EDRF1: variants seen among roughly 807,000 people sequenced by gnomAD.
The protein encoded by EDRF1 is erythroid differentiation regulatory factor 1.
In EDRF1, 69 loss-of-function variants were observed where a neutral mutation model predicts 148.7. That is an observed-to-expected ratio of 0.46 (90% CI 0.38 to 0.57). EDRF1 has a LOEUF of 0.57. EDRF1 is among the 20% of genes least tolerant of loss of function. The pLI is 0.00. For synonymous variants in EDRF1, 515 were observed against 532.8 expected (o/e 0.97, Z 0.46); for missense variants, 1,118 against 1,478.7 (o/e 0.76, Z 4.00).
In EDRF1 at chr10:125,723,761, A is replaced by C. The variant is rs535518532; in HGVS notation, c.385-50A>C. Reference sequence around the variant, plus strand: ...GAAGCTAAAATTTAAAAGATTCCAAATCACACTAAAACAGTCTTTCTAAAC... The same window carrying C: ...GAAGCTAAAATTTAAAAGATTCCAACTCACACTAAAACAGTCTTTCTAAAC... On this transcript the variant is annotated intron_variant, in intron 3 of 24. Transcript: ENST00000356792. The C allele has an allele frequency of 1.9e-6, 3 of 1,558,638 alleles. No homozygotes were observed. In the African/African-American group the frequency reaches 4.1e-5, roughly 21 times the overall value.
intron 24 of EDRF1, among the ~76,000 whole-genome samples, chr10:125,760,786 C>T (rs1236140354): frequency 6.6e-6 from 1 of 152,080 alleles, no homozygotes; most frequent in Non-Finnish European, 1.5e-5. Context: ...ATTCTGCATC[C>T]ACAGATTCAA....
Position 125,763,224 on chromosome 10 carries a change from T to TC in EDRF1, c.3546-75dup. 1 of 1,425,886 alleles carries TC rather than the reference T, an allele frequency of 7.0e-7. No homozygotes were observed. Among genetic ancestry groups the TC allele is most frequent in the South Asian group, 1.2e-5 (1 of 86,886 alleles). The allele number at this position is 1,425,886 out of a possible 1,614,324, so 88.3% of individuals were successfully genotyped here. On this transcript the variant is annotated intron_variant, in intron 24 of 24. Coordinates refer to ENST00000356792, the MANE Select transcript of EDRF1 (RefSeq NM_001202438.2). This position sits in a 1 kb window ranked among gnomAD's most constrained non-coding sequence, Gnocchi z 4.3. ...AAGAGTGACTGTTGGGCTGTCACTGTCCGGTTTTCTGGACCTCTGAATTGT... is the reference window on the plus strand; with the variant it reads ...AAGAGTGACTGTTGGGCTGTCACTGTCCCGGTTTTCTGGACCTCTGAATTGT...
At position 125,735,874 on chromosome 10, in the gene EDRF1, AG is replaced by A; in HGVS notation, c.1729del (p.Glu577LysfsTer33). 1 of 1,610,978 alleles carries A rather than the reference AG, an allele frequency of 6.2e-7. No homozygotes were observed. Among genetic ancestry groups the A allele is most frequent in the Non-Finnish European group, 8.5e-7 (1 of 1,177,788 alleles). ...IKSVGELSVP[E>X]KYKSIHQIRP... ...AGTCTGTTGGAGAACTATCAGTACC[AG>A]AAAAATACAAATCTATTCATCAAAT... On this transcript the variant is annotated frameshift_variant, in exon 13 of 25. Coordinates refer to ENST00000356792, the MANE Select transcript of EDRF1 (RefSeq NM_001202438.2). LOFTEE classifies it high-confidence loss of function.
Position 125,719,998 on chromosome 10 carries a change from G to A in EDRF1, c.108+83G>A, listed in dbSNP as rs1847906143. The A allele has an allele frequency of 8.4e-6, 11 of 1,306,498 alleles. No individual in the cohort carries two copies. The East Asian group carries it at 1.7e-4, about 20-fold the overall frequency. The allele number at this position is 1,306,498 out of a possible 1,614,324, so 80.9% of individuals were successfully genotyped here. On this transcript the variant is annotated intron_variant, in intron 1 of 24. Transcript: ENST00000356792. ...CCGGGGAGGGATGCCACGGTTCCCG[G>A]CAGATTCTGGAGGCTTCTCCATGTT...
At chr10:125,726,434 G>A (rs1420209728) in intron 6 of EDRF1, among the ~76,000 whole-genome samples, 4 of 152,094 alleles carry the variant, frequency 2.6e-5, no homozygotes, top group Admixed American at 2.0e-4. Flanking sequence ...TTACATCCTT[G>A]TTTCTTCCTA....
In EDRF1 at chr10:125,721,369, AC is replaced by A; in HGVS notation, c.275del (p.Thr92IlefsTer39). On this transcript the variant is annotated frameshift_variant, in exon 2 of 25. Coordinates refer to ENST00000356792, the MANE Select transcript of EDRF1 (RefSeq NM_001202438.2). LOFTEE classifies it high-confidence loss of function. Reference protein sequence around the residue: ...RESAKLGPAGTTILGNSKKSK... With the variant: ...RESAKLGPAGXTILGNSKKSK... ...GAGTGCCAAACTAGGGCCAGCAGGA[AC>A]TACCATTCTTGGCAACAGCAAGAAA... 6.2e-7 allele frequency: 1 copy of A among 1,614,216 alleles called. No homozygotes were observed. The highest frequency in any genetic ancestry group is 8.5e-7 in the Non-Finnish European group (1 of 1,180,026).
intron 24 of EDRF1, among the ~76,000 whole-genome samples, chr10:125,762,621 G>C (rs552933075): frequency 1.3e-4 from 20 of 152,264 alleles, no homozygotes; most frequent in African/African-American, 4.3e-4. Context: ...AACTGAAATA[G>C]TTTTCAGGTA....
chr10:125,752,613 T>C (rs1348649194), intron 22 of EDRF1, among the ~76,000 whole-genome samples, 186 bp from the exon 23 acceptor site: 1 of 152,220 alleles, frequency 6.6e-6, no homozygotes, highest in East Asian at 1.9e-4. Flanking sequence ...TATTTATTGC[T>C]TTGTCCAGAC....
chr10:125,734,734 A>G lies in EDRF1; in HGVS notation c.1497+551A>G, dbSNP rs1848647958. On this transcript the variant is annotated intron_variant, in intron 12 of 24. Coordinates refer to ENST00000356792, the MANE Select transcript of EDRF1 (RefSeq NM_001202438.2). ...TCTTTTAAAGAGAAGGGGAAAAAGCATCTCTTAAAATATTCCCTCAGTCAT... is the reference window on the plus strand; with the variant it reads ...TCTTTTAAAGAGAAGGGGAAAAAGCGTCTCTTAAAATATTCCCTCAGTCAT... Among the ~76,000 whole-genome samples, 4 of 152,302 alleles carry G rather than the reference A, an allele frequency of 2.6e-5. No individual in the cohort carries two copies. The South Asian group carries it at 8.3e-4, about 32-fold the overall frequency.
intron 22 of EDRF1, among the ~76,000 whole-genome samples, chr10:125,751,332 G>A (rs1432895746): frequency 1.3e-5 from 2 of 151,742 alleles, no homozygotes; most frequent in Non-Finnish European, 2.9e-5. Flanking sequence ...AGCCAGGTTT[G>A]TGGGTTTTGT....
At chr10:125,760,773 A>G (rs957067844) in intron 24 of EDRF1, among the ~76,000 whole-genome samples, 1 of 152,244 alleles carries the variant, frequency 6.6e-6, no homozygotes, top group Non-Finnish European at 1.5e-5. Flanking sequence ...TCTGTATCCA[A>G]GGATTCTGCA....
At chr10:125,747,202 T>C (rs2296835) in intron 19 of EDRF1, 3,176 of 259,234 alleles carry the variant, frequency 0.012, 89 homozygotes, top group East Asian at 0.1. Context: ...TTACTAGTTA[T>C]ATAAACTGTA....
Position 125,747,714 on chromosome 10 carries a change from T to A in EDRF1, c.2973+20T>A. ...GAGCAGGTGATAATATTTGCTGGAG[T>A]ATAAAATAAGTTCTCAATCTAATTC... On this transcript the variant is annotated intron_variant, in intron 20 of 24. Transcript: ENST00000356792. 1 of 1,613,902 alleles carries A rather than the reference T, an allele frequency of 6.2e-7. No individual in the cohort carries two copies. The highest frequency in any genetic ancestry group is 8.5e-7 in the Non-Finnish European group (1 of 1,179,824).
chr10:125,736,790 G>T lies in EDRF1; in HGVS notation c.1758+886G>T, dbSNP rs1848759617. Among the ~76,000 whole-genome samples the T allele has an allele frequency of 2.0e-5, 3 of 151,668 alleles. No homozygotes were observed. In the South Asian group the frequency reaches 6.2e-4, roughly 32 times the overall value. On this transcript the variant is annotated intron_variant, in intron 13 of 24. Transcript: ENST00000356792. ...TCTGCTTGGAATGTACCTACCCTAGGTCTGTTCATGGCTGCCTTTTTTAAG... is the reference window on the plus strand; with the variant it reads ...TCTGCTTGGAATGTACCTACCCTAGTTCTGTTCATGGCTGCCTTTTTTAAG...
At chr10:125,747,761 C>A (rs192897189) in intron 20 of EDRF1, 67 bp downstream of exon 20, 1 of 1,609,136 alleles carries the variant, frequency 6.2e-7, no homozygotes, top group Non-Finnish European at 8.5e-7. Context: ...AAATATTTAG[C>A]GTCTGTTGTC....
intron 13 of EDRF1, among the ~76,000 whole-genome samples, chr10:125,736,271 AG>A (rs1489463778): frequency 1.3e-5 from 2 of 152,120 alleles, no homozygotes; most frequent in Non-Finnish European, 2.9e-5. Context: ...AGAGTAGAGA[AG>A]GGGGTGGCTC....
At position 125,743,273 on chromosome 10, in the gene EDRF1, C is replaced by T. The variant is rs746380286; in HGVS notation, c.2587C>T (p.Leu863=). 2 of 1,611,436 alleles carry T rather than the reference C, an allele frequency of 1.2e-6. No homozygotes were observed. Among genetic ancestry groups the T allele is most frequent in the African/African-American group, 1.3e-5 (1 of 74,842 alleles). Residue 863 remains leucine, a synonymous_variant, in exon 18 of 25, where the codon CTA becomes TTA. Coordinates refer to ENST00000356792, the MANE Select transcript of EDRF1 (RefSeq NM_001202438.2). ...NQAAALQSER[L]VSKSVSAAEQ... ...GGCTGCTGCATTACAGAGTGAGAGA[C>T]TAGGTGAGTATCTCTTTAGATTCCT...
At chr10:125,740,778 A>T in intron 16 of EDRF1, 127 bp downstream of exon 16, 1 of 1,186,646 alleles carries the variant, frequency 8.4e-7, no homozygotes, top group Non-Finnish European at 1.2e-6. Context: ...ACTGTTTCCA[A>T]TCCTGTGTGT....
chr10:125,725,788 C>T lies in EDRF1; in HGVS notation c.742C>T (p.Pro248Ser), dbSNP rs950499734. The T allele has an allele frequency of 1.2e-6, 2 of 1,613,960 alleles. No homozygotes were observed. The highest frequency in any genetic ancestry group is 2.2e-5 in the East Asian group (1 of 44,874). ...TTCGGAAGGGGCTTCATGGCCTGCT[C>T]CCTTCGAAATGCCTTCTTCAGTTTC... ...NDSEGASWPA[P>S]FEMPSSVSED... is the part of the protein sequence containing the mutation. The change falls in exon 6 of 25, where the codon CCC becomes TCC. Residue 248 changes from proline (P) to serine (S), a missense_variant. Around this residue, in one of 3 missense-constraint regions of EDRF1, gnomAD observed 954 missense variants for 1,241.4 expected, o/e 0.77. Transcript: ENST00000356792.
Sources: allele counts gnomAD v4.1 joint callset (sites outside exome capture counted in the v4.1 genomes callset), GRCh38; gene constraint gnomAD v4.1.1; regional missense constraint gnomAD v4.1.1; non-coding constraint Gnocchi (gnomAD v3.1); transcripts MANE v1.5; gene names NCBI Gene and HGNC (gene_info 2026-07-23, HGNC 2026-07-21).